SCHIP1: variants seen among roughly 807,000 people sequenced by gnomAD.
The protein encoded by SCHIP1 is schwannomin interacting protein 1, also known as schwannomin-interacting protein 1.
Under a neutral mutation model 29.7 loss-of-function variants are expected in SCHIP1, and 8 were observed. The observed-to-expected ratio is 0.27, with a 90% confidence interval of 0.16 to 0.49. SCHIP1 has a LOEUF of 0.49. Among genes scored for constraint, SCHIP1 ranks in the 20% least tolerant of loss-of-function variants. SCHIP1 has a pLI of 0.99. For synonymous variants in SCHIP1, 76 were observed against 94.9 expected, an observed-to-expected ratio of 0.80 and a Z score of 1.16; for missense variants, 193 against 294.6, an observed-to-expected ratio of 0.66 and a Z score of 2.52.
At chr3:159,540,153 G>A in the SCHIP1 span, among the ~76,000 whole-genome samples, 11 of 151,138 alleles carry the variant, frequency 7.3e-5, no homozygotes, top group South Asian at 2.1e-4. Context: ...TGACCATCCC[G>A]TTGCATTATA....
the SCHIP1 span, among the ~76,000 whole-genome samples, chr3:159,283,818 T>C: frequency 2.0e-5 from 3 of 152,256 alleles, no homozygotes; most frequent in Non-Finnish European, 4.4e-5. Context: ...AGTCTTATTG[T>C]ATTGATTAGA....
At chr3:159,675,857 C>T in the SCHIP1 span, among the ~76,000 whole-genome samples, 3 of 152,144 alleles carry the variant, frequency 2.0e-5, no homozygotes, top group Admixed American at 6.5e-5. Flanking sequence ...TGAGGCCAGG[C>T]GTGGTGGCTC....
the SCHIP1 span, among the ~76,000 whole-genome samples, chr3:159,375,425 C>G: frequency 6.6e-6 from 1 of 152,184 alleles, no homozygotes; most frequent in Non-Finnish European, 1.5e-5. Flanking sequence ...AGTAGCTTCT[C>G]ATATTTGGAA....
At chr3:159,841,734 A>G (rs1245866052) in intron 1 of SCHIP1, among the ~76,000 whole-genome samples, 1 of 152,202 alleles carries the variant, frequency 6.6e-6, no homozygotes, top group Non-Finnish European at 1.5e-5. Context: ...CTTCCAAAGG[A>G]AGATAAATTG....
the SCHIP1 span, among the ~76,000 whole-genome samples, chr3:159,567,355 C>A: frequency 1.3e-5 from 2 of 152,266 alleles, no homozygotes; most frequent in South Asian, 4.1e-4. Flanking sequence ...ATTTGTTTAT[C>A]TTTTCCTTTA....
chr3:159,686,568 G>A, the SCHIP1 span, among the ~76,000 whole-genome samples: 5 of 152,242 alleles, frequency 3.3e-5, no homozygotes, highest in East Asian at 9.6e-4. Flanking sequence ...GAATAAAAAT[G>A]TTTATTATAT....
chr3:159,689,956 T>A, the SCHIP1 span, among the ~76,000 whole-genome samples: 1 of 152,218 alleles, frequency 6.6e-6, no homozygotes, highest in East Asian at 1.9e-4. Context: ...GCCCACTTGA[T>A]CATGGTGGAT....
the SCHIP1 span, chr3:159,764,691 G>A: frequency 6.3e-7 from 1 of 1,580,192 alleles, no homozygotes; most frequent in Non-Finnish European, 8.6e-7. This position sits in a 1 kb window ranked among gnomAD's most constrained non-coding sequence, Gnocchi z 6.1. Context: ...AGGAAGAGGA[G>A]GACGAGCGCG....
At chr3:159,593,578 T>C in the SCHIP1 span, among the ~76,000 whole-genome samples, 2 of 152,088 alleles carry the variant, frequency 1.3e-5, no homozygotes, top group Admixed American at 1.3e-4. Flanking sequence ...AGTGGAGTGA[T>C]GAGAAGTCCT....
chr3:159,817,134 G>A, the SCHIP1 span, among the ~76,000 whole-genome samples: 12 of 152,142 alleles, frequency 7.9e-5, no homozygotes, highest in Middle Eastern at 3.4e-3. Flanking sequence ...ATAAATATGC[G>A]TGGATTAAAT....
At chr3:159,390,067 T>A in the SCHIP1 span, among the ~76,000 whole-genome samples, 45 of 152,172 alleles carry the variant, frequency 3.0e-4, no homozygotes, top group East Asian at 8.1e-3. Flanking sequence ...TATATATATA[T>A]AAAATGTTTG....
At chr3:159,432,841 T>A in the SCHIP1 span, among the ~76,000 whole-genome samples, 1 of 152,174 alleles carries the variant, frequency 6.6e-6, no homozygotes. Context: ...AGTGGCTCCA[T>A]GTGTTACTCC....
chr3:159,426,838 GA>G, the SCHIP1 span, among the ~76,000 whole-genome samples: 57 of 152,270 alleles, frequency 3.7e-4, no homozygotes, highest in African/African-American at 1.1e-3. Context: ...TATCCACCAT[GA>G]TCAAGTGGGT....
chr3:159,286,140 G>C, the SCHIP1 span, among the ~76,000 whole-genome samples: 1 of 152,068 alleles, frequency 6.6e-6, no homozygotes, highest in Admixed American at 6.6e-5. Context: ...CCATGTCATG[G>C]GGGTTTGGTG....
At chr3:159,284,287 A>G in the SCHIP1 span, among the ~76,000 whole-genome samples, 54 of 152,314 alleles carry the variant, frequency 3.5e-4, no homozygotes, top group Non-Finnish European at 6.6e-4. Context: ...TCCAAGATAT[A>G]TAAGTGAATA....
At chr3:159,556,643 T>C in the SCHIP1 span, among the ~76,000 whole-genome samples, 1 of 151,430 alleles carries the variant, frequency 6.6e-6, no homozygotes, top group African/African-American at 2.4e-5. Context: ...TTGGAAATCA[T>C]AATTCTCAGT....
At chr3:159,566,592 C>A in the SCHIP1 span, among the ~76,000 whole-genome samples, 1 of 152,264 alleles carries the variant, frequency 6.6e-6, no homozygotes, top group Admixed American at 6.5e-5. Context: ...AGTTGACATT[C>A]AAGTAAAAAC....
chr3:159,768,808 A>T, the SCHIP1 span, among the ~76,000 whole-genome samples: 1 of 152,206 alleles, frequency 6.6e-6, no homozygotes, highest in Non-Finnish European at 1.5e-5. Flanking sequence ...TGGGACAGCC[A>T]TATCCCCAGT....
At chr3:159,340,622 A>G in the SCHIP1 span, among the ~76,000 whole-genome samples, 1 of 152,158 alleles carries the variant, frequency 6.6e-6, no homozygotes, top group African/African-American at 2.4e-5. Context: ...CTGTTCACTC[A>G]TATGTCCACC....
Sources: gnomAD v4.1 joint callset for allele counts (sites outside exome capture counted in the v4.1 genomes callset) on GRCh38, gnomAD v4.1.1 for gene constraint, Gnocchi (gnomAD v3.1) non-coding constraint, MANE v1.5 for transcripts, NCBI Gene and HGNC (gene_info 2026-07-23, HGNC 2026-07-21) for gene names.